DTNBP1: variants seen among roughly 807,000 people sequenced by gnomAD.
DTNBP1 encodes the protein dystrobrevin binding protein 1.
DTNBP1 carries 35 observed loss-of-function variants against 42.8 expected under a neutral mutation model. The ratio of observed to expected loss-of-function variants is 0.82; its 90% CI spans 0.63 to 1.09. The LOEUF is 1.09. Ranked by LOEUF, DTNBP1 falls within the 50% of genes least tolerant of loss-of-function variation. The pLI, the probability that DTNBP1 is intolerant of heterozygous loss-of-function variation, is 0.00. For missense variants in DTNBP1, 457 were observed against 424.2 expected, an observed-to-expected ratio of 1.08 and a Z score of -0.68; for synonymous variants, 171 against 162.2, an observed-to-expected ratio of 1.05 and a Z score of -0.41.
At chr6:15,554,534 T>C (rs1228539850) in intron 7 of DTNBP1, among the ~76,000 whole-genome samples, 1 of 152,162 alleles carries the variant, frequency 6.6e-6, no homozygotes, top group Non-Finnish European at 1.5e-5. Context: ...GGTTGCAGCC[T>C]GTAGGGTGGC....
At chr6:15,662,591 T>TG (rs1255020331) in intron 1 of DTNBP1, among the ~76,000 whole-genome samples, 1 of 151,432 alleles carries the variant, frequency 6.6e-6, no homozygotes, top group Admixed American at 6.6e-5. Flanking sequence ...CTCCCGGTCC[T>TG]GGGGGGTGCG....
At chr6:15,613,386 A>C (rs1419745773) in intron 6 of DTNBP1, among the ~76,000 whole-genome samples, 16 of 12,650 alleles carry the variant, frequency 1.3e-3, no homozygotes, top group African/African-American at 3.1e-3. Flanking sequence ...TTTTTTTTTG[A>C]GACGGAGTCT....
chr6:15,589,685 A>C (rs1056535750), intron 7 of DTNBP1, among the ~76,000 whole-genome samples: 1 of 152,152 alleles, frequency 6.6e-6, no homozygotes. Flanking sequence ...ACTTTTCCCT[A>C]TATTATCAGC....
chr6:15,652,206 G>A (rs1761040305), intron 1 of DTNBP1, 66 bp from the exon 2 acceptor site: 1 of 1,325,958 alleles, frequency 7.5e-7, no homozygotes, highest in Non-Finnish European at 1.1e-6. Context: ...TTTTGAGACA[G>A]GGTCTCACTC....
At position 15,663,026 on chromosome 6, in the gene DTNBP1, C is replaced by CCCAGCCCCTTCCGCGTT. The variant is rs1267205691; in HGVS notation, c.-158_-157insAACGCGGAAGGGGCTGG. The CCCAGCCCCTTCCGCGTT allele has an allele frequency of 1.4e-5, 14 of 1,005,060 alleles. No individual in the cohort carries two copies. In the East Asian group the frequency reaches 2.6e-4, roughly 18 times the overall value. The allele number at this position is 1,005,060 out of a possible 1,614,324, so 62.3% of individuals were successfully genotyped here. On this transcript the variant is annotated 5_prime_UTR_variant, in exon 1 of 10. Coordinates refer to ENST00000344537, the MANE Select transcript of DTNBP1 (RefSeq NM_032122.5). ...CTGGTCCTCGCCGCCGCGCCGCAACCCCAGCCCCTTCCGCGTTCCCGCCCC... is the reference window on the plus strand; with the variant it reads ...CTGGTCCTCGCCGCCGCGCCGCAACCCCAGCCCCTTCCGCGTTCCAGCCCCTTCCGCGTTCCCGCCCC...
At chr6:15,523,317 G>A in intron 9 of DTNBP1, 98 bp from the exon 10 acceptor site, 1 of 1,535,516 alleles carries the variant, frequency 6.5e-7, no homozygotes, top group Non-Finnish European at 8.9e-7. Context: ...ATGAAAGGGG[G>A]GTGTGGTTTT....
At chr6:15,574,367 C>T (rs1388983322) in intron 7 of DTNBP1, among the ~76,000 whole-genome samples, 1 of 152,146 alleles carries the variant, frequency 6.6e-6, no homozygotes, top group Non-Finnish European at 1.5e-5. Flanking sequence ...CACCGGATTT[C>T]AGTATATGCA....
chr6:15,576,132 T>C (rs1242733132), intron 7 of DTNBP1, among the ~76,000 whole-genome samples: 2 of 151,828 alleles, frequency 1.3e-5, no homozygotes, highest in Non-Finnish European at 2.9e-5. Context: ...TTTCCTTTTT[T>C]TTTTGAGACA....
chr6:15,541,774 T>C (rs1221751461), intron 7 of DTNBP1, among the ~76,000 whole-genome samples: 4 of 152,146 alleles, frequency 2.6e-5, no homozygotes, highest in Admixed American at 6.5e-5. Flanking sequence ...TACGTTTTAA[T>C]GGGGCATAAG....
At chr6:15,644,480 T>C (rs534509206) in intron 3 of DTNBP1, among the ~76,000 whole-genome samples, 1 of 152,170 alleles carries the variant, frequency 6.6e-6, no homozygotes, top group African/African-American at 2.4e-5. Flanking sequence ...AGAATATACA[T>C]TCTTCTCATC....
chr6:15,620,891 G>A (rs1759005189), intron 5 of DTNBP1, among the ~76,000 whole-genome samples: 1 of 152,164 alleles, frequency 6.6e-6, no homozygotes, highest in South Asian at 2.1e-4. Context: ...ATCTTGCAAA[G>A]CTGTTAAAAG....
intron 6 of DTNBP1, among the ~76,000 whole-genome samples, chr6:15,609,753 C>A (rs565423172): frequency 6.6e-6 from 1 of 152,292 alleles, no homozygotes; most frequent in South Asian, 2.1e-4. Context: ...TATGATTCCT[C>A]AGCTGTCTAT....
intron 6 of DTNBP1, chr6:15,595,094 C>T (rs1392151975): frequency 2.2e-6 from 1 of 456,028 alleles, no homozygotes; most frequent in African/African-American, 2.0e-5. Context: ...CTCTGTCACA[C>T]AGCGTCATGA....
intron 7 of DTNBP1, among the ~76,000 whole-genome samples, chr6:15,578,262 A>G (rs1775669824): frequency 6.6e-6 from 1 of 152,228 alleles, no homozygotes; most frequent in African/African-American, 2.4e-5. Context: ...GACTGCTTCC[A>G]GTTCCTCAGT....
chr6:15,586,768 G>C (rs1776096385), intron 7 of DTNBP1, among the ~76,000 whole-genome samples: 1 of 152,110 alleles, frequency 6.6e-6, no homozygotes, highest in Non-Finnish European at 1.5e-5. Context: ...AACCCATGCT[G>C]CTGAAAGTGT....
intron 7 of DTNBP1, among the ~76,000 whole-genome samples, chr6:15,552,481 A>G (rs1002792396): frequency 1.3e-5 from 2 of 152,212 alleles, no homozygotes; most frequent in African/African-American, 4.8e-5. Context: ...ATTCCCTTAC[A>G]TGTACCCAAT....
At chr6:15,523,260 A>G (rs1359486823) in intron 9 of DTNBP1, 41 bp from the exon 10 acceptor site, 5 of 1,612,498 alleles carry the variant, frequency 3.1e-6, no homozygotes, top group Non-Finnish European at 4.2e-6. Flanking sequence ...TGTCATAAAA[A>G]TATTGTGAAT....
chr6:15,562,246 G>GT (rs980788583), intron 7 of DTNBP1, among the ~76,000 whole-genome samples: 5 of 152,100 alleles, frequency 3.3e-5, no homozygotes, highest in Non-Finnish European at 7.4e-5. Context: ...CAAGATCCAA[G>GT]TACCCTCTCT....
intron 4 of DTNBP1, among the ~76,000 whole-genome samples, chr6:15,633,103 C>T (rs1298526074): frequency 6.6e-6 from 1 of 152,152 alleles, no homozygotes; most frequent in Non-Finnish European, 1.5e-5. Context: ...AACAGAGTAT[C>T]GACAGCTAAT....
Sources: allele counts gnomAD v4.1 joint callset (sites outside exome capture counted in the v4.1 genomes callset), GRCh38; gene constraint gnomAD v4.1.1; transcripts MANE v1.5; gene names NCBI Gene and HGNC (gene_info 2026-07-23, HGNC 2026-07-21).